The following PRDM5 variants were observed in gnomAD, a reference collection of about 807,000 sequenced individuals.
PRDM5 encodes PR domain zinc finger protein 5.
PRDM5 carries 56 observed loss-of-function variants against 81.2 expected under a neutral mutation model. The observed-to-expected ratio is 0.69, with a 90% CI of 0.56 to 0.86. The LOEUF (loss-of-function observed/expected upper bound fraction) is 0.86. PRDM5 is among the 40% of genes least tolerant of loss of function. The pLI is 0.00. For synonymous variants in PRDM5, 267 were observed against 256.4 expected (o/e 1.04, Z -0.39); for missense variants, 697 against 770.1 (o/e 0.91, Z 1.12).
chr4:120,790,946 C>T lies in PRDM5; in HGVS notation c.1189-5855G>A, dbSNP rs1393034633. Among the ~76,000 whole-genome samples, 6 of 149,230 alleles carry T rather than the reference C, an allele frequency of 4.0e-5. No individual in the cohort carries two copies. The East Asian group carries it at 1.2e-3, about 30-fold the overall frequency. ...TGATAGAGCAAGACCTTGTCAAAAACAAACAAACAAAAAAACAGAAAAACA... is the reference window on the plus strand; with the variant it reads ...TGATAGAGCAAGACCTTGTCAAAAATAAACAAACAAAAAAACAGAAAAACA... On this transcript the variant is annotated intron_variant, in intron 10 of 15. Transcript: ENST00000264808.
intron 3 of PRDM5, among the ~76,000 whole-genome samples, chr4:120,833,196 C>G (rs548284443): frequency 2.6e-5 from 4 of 152,100 alleles, no homozygotes; most frequent in African/African-American, 9.7e-5. Flanking sequence ...CAGAAATAAA[C>G]GATTAATGAG....
intron 3 of PRDM5, among the ~76,000 whole-genome samples, chr4:120,824,160 A>G (rs1755653205): frequency 6.6e-6 from 1 of 152,206 alleles, no homozygotes; most frequent in South Asian, 2.1e-4. Flanking sequence ...CTTTATAGCA[A>G]CACAAATGGA....
chr4:120,717,503 G>A (rs550835205), intron 14 of PRDM5, among the ~76,000 whole-genome samples: 19 of 152,256 alleles, frequency 1.2e-4, no homozygotes, highest in African/African-American at 4.1e-4. Flanking sequence ...TTTTTGATAA[G>A]ATAAACTGAA....
intron 2 of PRDM5, among the ~76,000 whole-genome samples, chr4:120,888,147 A>C (rs1205290051): frequency 1.3e-5 from 2 of 152,202 alleles, no homozygotes; most frequent in Non-Finnish European, 2.9e-5. Flanking sequence ...TTTTTATTGA[A>C]GTGTCACACA....
intron 2 of PRDM5, among the ~76,000 whole-genome samples, chr4:120,884,486 C>T (rs1763189578): frequency 1.3e-5 from 2 of 152,100 alleles, no homozygotes; most frequent in South Asian, 2.1e-4. Flanking sequence ...TTTCTATGCT[C>T]CCCAATCAAA....
intron 8 of PRDM5, among the ~76,000 whole-genome samples, chr4:120,802,599 CTGGAG>C (rs1437399206): frequency 1.3e-5 from 2 of 152,230 alleles, no homozygotes; most frequent in Non-Finnish European, 1.5e-5. Flanking sequence ...CAAAGAGGGT[CTGGAG>C]TGGACCTCCA....
At chr4:120,770,218 G>A (rs545313296) in intron 13 of PRDM5, among the ~76,000 whole-genome samples, 6 of 152,014 alleles carry the variant, frequency 3.9e-5, no homozygotes, top group South Asian at 2.1e-4. Flanking sequence ...TAGTAGAGAC[G>A]GGGTTTCGCC....
chr4:120,769,720 G>A (rs747836681), intron 13 of PRDM5, among the ~76,000 whole-genome samples: 1 of 152,142 alleles, frequency 6.6e-6, no homozygotes, highest in Non-Finnish European at 1.5e-5. Context: ...CCTTTTTCAA[G>A]GAGATAAATC....
chr4:120,725,832 G>T (rs1027626723), intron 14 of PRDM5, among the ~76,000 whole-genome samples: 8 of 152,034 alleles, frequency 5.3e-5, no homozygotes, highest in Non-Finnish European at 1.2e-4. Flanking sequence ...AATCCACCCA[G>T]CTGTCACAGG....
intron 3 of PRDM5, among the ~76,000 whole-genome samples, chr4:120,825,306 AT>A (rs1755816740): frequency 6.6e-6 from 1 of 152,192 alleles, no homozygotes; most frequent in African/African-American, 2.4e-5. Context: ...TTACTATTTA[AT>A]AAAAACTTGA....
At chr4:120,737,077 C>T (rs958523180) in intron 14 of PRDM5, among the ~76,000 whole-genome samples, 6 of 152,042 alleles carry the variant, frequency 3.9e-5, no homozygotes, top group African/African-American at 1.2e-4. Context: ...AGGTGTCTGC[C>T]CACCTGAGCT....
In PRDM5 at chr4:120,733,763, GAT is replaced by G. The variant is rs925289716; in HGVS notation, c.1623+20788_1623+20789del. On this transcript the variant is annotated intron_variant, in intron 14 of 15. Coordinates refer to ENST00000264808, the MANE Select transcript of PRDM5 (RefSeq NM_018699.4). ...AGAAAGTCTCCATTTTTACAAAAAA[GAT>G]ATATAAATACCAATGAGGATGAGGA... is the stretch of plus-strand genomic sequence containing the variant. 4.0e-5 allele frequency among the ~76,000 whole-genome samples: 6 copies of G among 151,856 alleles called. No individual in the cohort carries two copies. In the East Asian group the frequency reaches 1.2e-3, roughly 29 times the overall value.
intron 10 of PRDM5, among the ~76,000 whole-genome samples, chr4:120,786,463 A>C (rs573508479): frequency 2.6e-5 from 4 of 151,730 alleles, no homozygotes; most frequent in African/African-American, 9.6e-5. Context: ...CAGGAGAAAT[A>C]TGGCATTTAA....
At chr4:120,883,457 C>A (rs1194497301) in intron 2 of PRDM5, among the ~76,000 whole-genome samples, 1 of 151,780 alleles carries the variant, frequency 6.6e-6, no homozygotes, top group Non-Finnish European at 1.5e-5. Context: ...AATGGTTTTA[C>A]TTCTAAAAGT....
intron 3 of PRDM5, among the ~76,000 whole-genome samples, chr4:120,852,189 G>A (rs1357524469): frequency 6.6e-6 from 1 of 152,060 alleles, no homozygotes; most frequent in Non-Finnish European, 1.5e-5. Context: ...CTAATGTTTT[G>A]TCCAGCAGTA....
At chr4:120,829,539 C>T (rs1578902848) in intron 3 of PRDM5, among the ~76,000 whole-genome samples, 1 of 152,058 alleles carries the variant, frequency 6.6e-6, no homozygotes, top group African/African-American at 2.4e-5. Context: ...TCTTGTTTCA[C>T]AAGGAAATAC....
chr4:120,804,067 C>G (rs949936045), intron 8 of PRDM5, among the ~76,000 whole-genome samples: 2 of 152,150 alleles, frequency 1.3e-5, no homozygotes, highest in Admixed American at 1.3e-4. Context: ...TCTGATAAAA[C>G]AGACTTTAAA....
rs1734102912 is a variant in PRDM5, at chr4:120,692,266, T to C, written c.*2845A>G. The C allele has an allele frequency of 6.6e-6, 1 of 152,088 alleles. No individual in the cohort carries two copies. The highest frequency in any genetic ancestry group is 1.5e-5 in the Non-Finnish European group (1 of 67,986). 9.4% of individuals were successfully genotyped at this position (152,088 alleles called of 1,614,324 possible). ...CTTCTGTAATACATGTTCACACTCA[T>C]GCATGAGTTGACTGTAATAGGTCAG... On this transcript the variant is annotated 3_prime_UTR_variant, in exon 16 of 16. Coordinates refer to ENST00000264808, the MANE Select transcript of PRDM5 (RefSeq NM_018699.4).
chr4:120,700,201 C>T (rs771350245), intron 15 of PRDM5, among the ~76,000 whole-genome samples: 3 of 152,078 alleles, frequency 2.0e-5, no homozygotes, highest in African/African-American at 7.2e-5. Context: ...AGGAAAAGGG[C>T]TCCCTACTCA....
Sources: allele counts gnomAD v4.1 joint callset (sites outside exome capture counted in the v4.1 genomes callset), GRCh38; gene constraint gnomAD v4.1.1; transcripts MANE v1.5; gene names NCBI Gene and HGNC (gene_info 2026-07-23, HGNC 2026-07-21).